The following WIPF2 variants were observed in gnomAD, a reference collection of about 807,000 sequenced individuals.
The protein encoded by WIPF2 is WAS/WASL-interacting protein family member 2.
WIPF2 carries 23 observed loss-of-function variants against 38.8 expected under a neutral mutation model. The observed-to-expected ratio is 0.59, with a 90% CI of 0.43 to 0.84. The LOEUF is 0.84. WIPF2 is among the 40% of genes least tolerant of loss of function. The pLI, the probability that WIPF2 is intolerant of heterozygous loss-of-function variation, is 0.00. For missense variants in WIPF2, 574 were observed against 580.5 expected (o/e 0.99, Z 0.11); for synonymous variants, 210 against 223.2 (o/e 0.94, Z 0.53).
chr17:40,220,596 T>C (rs1396087470), intron 1 of WIPF2: 50 of 78,414 alleles, frequency 6.4e-4, no homozygotes, highest in East Asian at 2.8e-3. Flanking sequence ...TATATATATA[T>C]ATATATATAT....
At chr17:40,230,176 A>G (rs558451346) in intron 1 of WIPF2, among the ~76,000 whole-genome samples, 4 of 152,246 alleles carry the variant, frequency 2.6e-5, no homozygotes, top group African/African-American at 7.2e-5. Flanking sequence ...CCCAGTCTCT[A>G]TATAATTAAA....
chr17:40,246,682 C>T (rs1320785981), intron 1 of WIPF2, among the ~76,000 whole-genome samples: 1 of 152,100 alleles, frequency 6.6e-6, no homozygotes, highest in East Asian at 1.9e-4. Context: ...CAGGTGTGAG[C>T]CACTGCGCCT....
chr17:40,219,371 C>CGGT lies in WIPF2; in HGVS notation c.-189_-188insTGG. ...TCCGGGTTGGCAAAAGGGGCGGTGGCGGCGGCGGCGGCGGCGGCGGCGGCG... is the reference window on the plus strand; with the variant it reads ...TCCGGGTTGGCAAAAGGGGCGGTGGCGGTGGCGGCGGCGGCGGCGGCGGCGGCG... On this transcript the variant is annotated 5_prime_UTR_variant, in exon 1 of 8. Transcript: ENST00000323571. 6.0e-6 allele frequency: 2 copies of CGGT among 332,024 alleles called. No individual in the cohort carries two copies. Among genetic ancestry groups the CGGT allele is most frequent in the Non-Finnish European group, 5.7e-6 (1 of 175,592 alleles). 20.6% of individuals were successfully genotyped at this position (332,024 alleles called of 1,614,324 possible).
chr17:40,239,738 C>G (rs2031120693), intron 1 of WIPF2, among the ~76,000 whole-genome samples: 1 of 129,174 alleles, frequency 7.7e-6, no homozygotes, highest in Non-Finnish European at 1.6e-5. Context: ...TCTGTCATCT[C>G]TAGGCTGGAG....
At chr17:40,232,179 A>ATTTTTTTTTTTTTTTTTT (rs752876006) in intron 1 of WIPF2, among the ~76,000 whole-genome samples, 24 of 76,052 alleles carry the variant, frequency 3.2e-4, no homozygotes, top group East Asian at 1.9e-3. Context: ...TGCCTGGCTA[A>ATTTTTTTTTTTTTTTTTT]TTTTTTTTTT....
chr17:40,258,894 C>T (rs2031811364), intron 2 of WIPF2, among the ~76,000 whole-genome samples: 1 of 151,166 alleles, frequency 6.6e-6, no homozygotes, highest in African/African-American at 2.4e-5. Flanking sequence ...GATCCGCTTG[C>T]TTCAGCCTCC....
chr17:40,268,070 C>G (rs578004432), intron 5 of WIPF2, among the ~76,000 whole-genome samples: 2 of 152,184 alleles, frequency 1.3e-5, no homozygotes, highest in South Asian at 4.2e-4. Flanking sequence ...ACCACTTGAG[C>G]CTGGGAGGTG....
At chr17:40,230,789 A>G (rs1225563025) in intron 1 of WIPF2, among the ~76,000 whole-genome samples, 1 of 152,180 alleles carries the variant, frequency 6.6e-6, no homozygotes, top group Non-Finnish European at 1.5e-5. Context: ...GACTGTTTTA[A>G]AAATAATCTT....
chr17:40,242,849 C>T (rs1791655302), intron 1 of WIPF2, among the ~76,000 whole-genome samples: 1 of 152,198 alleles, frequency 6.6e-6, no homozygotes. Context: ...CTGTACACGT[C>T]CGCCTATCTC....
chr17:40,270,647 G>A (rs1199114346), intron 5 of WIPF2, among the ~76,000 whole-genome samples: 3 of 152,122 alleles, frequency 2.0e-5, no homozygotes, highest in Non-Finnish European at 4.4e-5. Context: ...CTGGGTTTTA[G>A]GGAATATTTT....
intron 3 of WIPF2, 100 bp downstream of exon 3, chr17:40,260,767 T>A: frequency 6.7e-7 from 1 of 1,503,138 alleles, no homozygotes; most frequent in Non-Finnish European, 9.2e-7. Flanking sequence ...AGTGGGAGAG[T>A]TTTGTCCTGG....
rs754415148 is a variant in WIPF2, at chr17:40,262,589, C to G, written c.261C>G (p.Leu87=). Residue 87 remains leucine (L), a synonymous_variant, in exon 4 of 8, where the codon CTC becomes CTG. Coordinates refer to ENST00000323571, the MANE Select transcript of WIPF2 (RefSeq NM_133264.5). ...GGAALQPKGG[L]FQGGVLKLRP... Reference sequence around the variant, plus strand: ...CTGCCCTGCAGCCCAAGGGAGGTCTCTTCCAAGGAGGAGTGCTGAAGCTTC... The same window carrying G: ...CTGCCCTGCAGCCCAAGGGAGGTCTGTTCCAAGGAGGAGTGCTGAAGCTTC... 2 of 1,613,922 alleles carry G rather than the reference C, an allele frequency of 1.2e-6. No individual in the cohort carries two copies. The highest frequency in any genetic ancestry group is 1.7e-6 in the Non-Finnish European group (2 of 1,179,940).
Position 40,282,443 on chromosome 17 carries a change from A to ACGTGTGCGTGCGCACG in WIPF2, c.*4229_*4244dup, listed in dbSNP as rs747748669. Reference sequence around the variant, plus strand: ...ACACTGAATAAATGACTAGAATGACACGTGTGCGTGCGCACGCGTGTGCGT... The same window carrying ACGTGTGCGTGCGCACG: ...ACACTGAATAAATGACTAGAATGACACGTGTGCGTGCGCACGCGTGTGCGTGCGCACGCGTGTGCGT... On this transcript the variant is annotated 3_prime_UTR_variant, in exon 8 of 8. Coordinates refer to ENST00000323571, the MANE Select transcript of WIPF2 (RefSeq NM_133264.5). The ACGTGTGCGTGCGCACG allele has an allele frequency of 1.3e-5, 2 of 152,178 alleles. No homozygotes were observed. Among genetic ancestry groups the ACGTGTGCGTGCGCACG allele is most frequent in the Middle Eastern group, 3.4e-3 (1 of 294 alleles). The allele number at this position is 152,178 out of a possible 1,614,324, so 9.4% of individuals were successfully genotyped here.
At chr17:40,275,697 C>T (rs2032376048) in intron 6 of WIPF2, among the ~76,000 whole-genome samples, 1 of 152,162 alleles carries the variant, frequency 6.6e-6, no homozygotes, top group East Asian at 1.9e-4. Context: ...TTCCAAGTAG[C>T]TGGGACCACA....
At chr17:40,232,849 G>A (rs1204333936) in intron 1 of WIPF2, among the ~76,000 whole-genome samples, 2 of 151,650 alleles carry the variant, frequency 1.3e-5, no homozygotes, top group Admixed American at 1.3e-4. Context: ...TGTTGGTCAG[G>A]CTGGTCTTGA....
chr17:40,268,898 G>T (rs1048988508), intron 5 of WIPF2, among the ~76,000 whole-genome samples: 1 of 152,186 alleles, frequency 6.6e-6, no homozygotes, highest in Non-Finnish European at 1.5e-5. Flanking sequence ...GAAAAGTACA[G>T]TGGGGGTCAG....
intron 3 of WIPF2, among the ~76,000 whole-genome samples, chr17:40,261,256 G>A (rs1470820245): frequency 6.6e-6 from 1 of 151,876 alleles, no homozygotes; most frequent in African/African-American, 2.4e-5. Flanking sequence ...TGTCATCTGA[G>A]ATGTGGAGAG....
chr17:40,233,822 G>C lies in WIPF2; in HGVS notation c.-70+14330G>C, dbSNP rs1277875138. Among the ~76,000 whole-genome samples the C allele has an allele frequency of 2.0e-5, 3 of 152,078 alleles. No individual in the cohort carries two copies. The East Asian group carries it at 5.8e-4, about 29-fold the overall frequency. The stretch of plus-strand genomic sequence containing the variant: ...CTCACACCTGTAATCTGAACACTTT[G>C]GGAAGCCGAGGCGGGCGGATCACCT... On this transcript the variant is annotated intron_variant, in intron 1 of 7. Transcript: ENST00000323571.
rs1175101246 is a variant in WIPF2, at chr17:40,264,476, C to T, written c.314-14C>T. 6 of 1,613,634 alleles carry T rather than the reference C, an allele frequency of 3.7e-6. No homozygotes were observed. Among genetic ancestry groups the T allele is most frequent in the Non-Finnish European group, 5.1e-6 (6 of 1,179,892 alleles). On this transcript the variant is annotated splice_polypyrimidine_tract_variant and intron_variant, in intron 4 of 7. Coordinates refer to ENST00000323571, the MANE Select transcript of WIPF2 (RefSeq NM_133264.5). ...TCCAGCTCTGTTGACCCTGTGTTGT[C>T]TATGTATTTGTAGAGAACCTAGCTG...
Sources: gnomAD v4.1 joint callset for allele counts (sites outside exome capture counted in the v4.1 genomes callset) on GRCh38, gnomAD v4.1.1 for gene constraint, MANE v1.5 for transcripts, NCBI Gene and HGNC (gene_info 2026-07-23, HGNC 2026-07-21) for gene names.